Variants in LMNA observed in about 807,000 individuals in gnomAD.
LMNA encodes the protein lamin A/C, also known as lamin.
LMNA carries 20 observed loss-of-function variants against 70.4 expected under a neutral mutation model. The ratio of observed to expected loss-of-function variants is 0.28; its 90% CI spans 0.20 to 0.41. The LOEUF (loss-of-function observed/expected upper bound fraction) is 0.41, where lower values mean the gene tolerates loss of function less well. LMNA is among the 10% of genes least tolerant of loss of function. LMNA has a pLI of 1.00. For synonymous variants in LMNA, 339 were observed against 372.8 expected, an observed-to-expected ratio of 0.91 and a Z score of 1.04; for missense variants, 652 against 917.2, an observed-to-expected ratio of 0.71 and a Z score of 3.73.
chr1:156,101,636 A>AGGG lies in LMNA; in HGVS notation c.-207+11054_-207+11055insGGG, dbSNP rs1558110244. Among the ~76,000 whole-genome samples, 859 of 101,942 alleles carry AGGG rather than the reference A, an allele frequency of 8.4e-3. 8 individuals carry two copies. The highest frequency in any genetic ancestry group is 0.012 in the Non-Finnish European group (652 of 53,814). The allele number at this position is 101,942 out of a possible 152,430, so 66.9% of individuals were successfully genotyped here. ...CCAGGAAGGAAGGACGGAAGGAAGG[A>AGGG]AGGGAGGGAGGGAGGGAGGGAGGGA... On this transcript the variant is annotated intron_variant, in intron 3 of 12. Transcript: ENST00000368301.
Position 156,139,471 on chromosome 1 carries a change from C to T in LMNA, c.*365C>T, listed in dbSNP as rs74116489. ...AGAGGCTAGCTTCTGCTTTTCTGCC[C>T]TGGCTGCTGCCCCCACCCCGGGGAC... On this transcript the variant is annotated 3_prime_UTR_variant, in exon 12 of 12. Coordinates refer to ENST00000368300, the MANE Select transcript of LMNA (RefSeq NM_170707.4). 0.031 allele frequency: 41,463 copies of T among 1,334,708 alleles called. 1,202 individuals are homozygous for T. Among genetic ancestry groups the T allele is most frequent in the African/African-American group, 0.14 (9,147 of 66,800 alleles). 82.7% of individuals were successfully genotyped at this position (1,334,708 alleles called of 1,614,324 possible). A position where few individuals can be genotyped will look rare whatever the true frequency, so the allele number is the denominator to read the frequency against.
At chr1:156,128,991 C>G (rs1054298598) in intron 1 of LMNA, among the ~76,000 whole-genome samples, 1 of 152,224 alleles carries the variant, frequency 6.6e-6, no homozygotes. Context: ...CGGAAAAGTT[C>G]TGAAGTCATG....
At chr1:156,129,747 C>T (rs906899654) in intron 1 of LMNA, 2 of 666,004 alleles carry the variant, frequency 3.0e-6, no homozygotes, top group Admixed American at 4.6e-5. Flanking sequence ...TAATCAGGGG[C>T]CCAGAAAAGG....
chr1:156,088,133 G>A (rs1348734460), intron 2 of LMNA, among the ~76,000 whole-genome samples: 1 of 151,956 alleles, frequency 6.6e-6, no homozygotes, highest in Admixed American at 6.6e-5. Context: ...GCCTCCCAAA[G>A]TGCTGGGATT....
At chr1:156,127,524 T>TG (rs1650697083) in intron 1 of LMNA, among the ~76,000 whole-genome samples, 5 of 137,454 alleles carry the variant, frequency 3.6e-5, no homozygotes, top group African/African-American at 1.4e-4. Context: ...TTTTTTTTTT[T>TG]TTTTTTTTTT....
At chr1:156,114,434 G>C (rs564151636), upstream of LMNA, among the ~76,000 whole-genome samples, 1 of 152,004 alleles carries the variant, frequency 6.6e-6, no homozygotes, top group Admixed American at 6.6e-5. Context: ...CCTTGGCTCT[G>C]CCCTCTAGCC....
chr1:156,127,046 G>T (rs1572347691), intron 1 of LMNA: 2 of 884,970 alleles, frequency 2.3e-6, no homozygotes, highest in East Asian at 5.4e-5. Context: ...TGCCAACCCA[G>T]CACGGGGACG....
At chr1:156,131,664 C>T (rs1444187104) in intron 2 of LMNA, among the ~76,000 whole-genome samples, 1 of 152,128 alleles carries the variant, frequency 6.6e-6, no homozygotes, top group Non-Finnish European at 1.5e-5. Context: ...TGTACCTGAC[C>T]CTAGATCCCT....
intron 3 of LMNA, among the ~76,000 whole-genome samples, chr1:156,106,985 G>A (rs1649373629): frequency 6.6e-6 from 1 of 152,114 alleles, no homozygotes; most frequent in South Asian, 2.1e-4. Context: ...GGGTCGAAGA[G>A]GGAAAGAGTA....
chr1:156,089,398 C>T (rs150163780), intron 2 of LMNA, among the ~76,000 whole-genome samples: 2,604 of 151,640 alleles, frequency 0.017, 74 homozygotes, highest in African/African-American at 0.06. Flanking sequence ...TGGGTTCAAG[C>T]GATTCTCCTG....
At chr1:156,130,214 C>T (rs1650924705) in intron 1 of LMNA, among the ~76,000 whole-genome samples, 1 of 152,012 alleles carries the variant, frequency 6.6e-6, no homozygotes, top group African/African-American at 2.4e-5. Context: ...GAAGCTTGGC[C>T]AAAGGGAAGT....
intron 2 of LMNA, among the ~76,000 whole-genome samples, chr1:156,133,258 C>A (rs1651237204): frequency 1.3e-5 from 2 of 152,106 alleles, no homozygotes; most frequent in Non-Finnish European, 1.5e-5. Context: ...CTTAGCCCAG[C>A]CTGTGCTTTC....
intron 1 of LMNA, chr1:156,126,864 T>A: frequency 6.2e-7 from 1 of 1,611,950 alleles, no homozygotes; most frequent in Non-Finnish European, 8.5e-7. Flanking sequence ...GGCACTCTGC[T>A]GGCACAGCAC....
intron 3 of LMNA, among the ~76,000 whole-genome samples, chr1:156,101,835 T>A (rs942791103): frequency 6.6e-6 from 1 of 151,820 alleles, no homozygotes; most frequent in Admixed American, 6.6e-5. Flanking sequence ...ATTCTGGAGG[T>A]AGGAACCACA....
intron 3 of LMNA, among the ~76,000 whole-genome samples, chr1:156,107,409 C>T (rs899455012): frequency 6.6e-6 from 1 of 152,198 alleles, no homozygotes; most frequent in African/African-American, 2.4e-5. Flanking sequence ...GAGGTTTTGA[C>T]CCTGCCTGGC....
intron 1 of LMNA, chr1:156,126,995 A>C (rs1572347605): frequency 7.2e-7 from 1 of 1,391,066 alleles, no homozygotes; most frequent in African/African-American, 1.4e-5. Context: ...CCAGGTTCCC[A>C]CCCTTCCCAG....
intron 1 of LMNA, among the ~76,000 whole-genome samples, chr1:156,122,941 C>G (rs1033059870): frequency 6.6e-6 from 1 of 152,182 alleles, no homozygotes; most frequent in East Asian, 1.9e-4. Context: ...CCCTGCCTCC[C>G]CCAAGTTGTG....
At position 156,139,538 on chromosome 1, in the gene LMNA, C is replaced by T. The variant is rs757889970; in HGVS notation, c.*432C>T. On this transcript the variant is annotated 3_prime_UTR_variant, in exon 12 of 12. Transcript: ENST00000368300. Reference sequence around the variant, plus strand: ...TGAGAGGCAGGCATAGAGGCTTCTCCGCCAGCCTCCTCTGGACGGCAGGCT... The same window carrying T: ...TGAGAGGCAGGCATAGAGGCTTCTCTGCCAGCCTCCTCTGGACGGCAGGCT... 5.2e-5 allele frequency: 71 copies of T among 1,368,642 alleles called. No homozygotes were observed. Among genetic ancestry groups the T allele is most frequent in the Non-Finnish European group, 5.5e-5 (59 of 1,063,740 alleles). 84.8% of individuals were successfully genotyped at this position (1,368,642 alleles called of 1,614,324 possible).
At chr1:156,090,463 C>A (rs1382840255) in intron 2 of LMNA, 2 of 152,172 alleles carry the variant, frequency 1.3e-5, no homozygotes, top group Non-Finnish European at 2.9e-5. Context: ...CTGTTCTGGT[C>A]TTTTCAGACT....
Sources: gnomAD v4.1 joint callset for allele counts (sites outside exome capture counted in the v4.1 genomes callset) on GRCh38, gnomAD v4.1.1 for gene constraint, MANE v1.5 for transcripts, NCBI Gene and HGNC (gene_info 2026-07-23, HGNC 2026-07-21) for gene names.